The following PCAT7 variants were observed in gnomAD, a reference collection of about 807,000 sequenced individuals.
PCAT7 encodes prostate cancer associated transcript 7 (non-protein coding).
chr9:94,554,865 A>G (rs1049460939), upstream of PCAT7, among the ~76,000 whole-genome samples: 1 of 152,170 alleles, frequency 6.6e-6, no homozygotes, highest in African/African-American at 2.4e-5. Flanking sequence ...GTAGCTCCCC[A>G]CACCCACACA....
intron 2 of PCAT7, chr9:94,571,642 C>A: frequency 6.4e-7 from 1 of 1,563,458 alleles, no homozygotes; most frequent in Non-Finnish European, 8.7e-7. Flanking sequence ...TTATTGTTGT[C>A]TCTGGAGAGA....
At chr9:94,569,458 GCACT>G (rs949237959) in intron 2 of PCAT7, 8 of 152,228 alleles carry the variant, frequency 5.3e-5, no homozygotes, top group Non-Finnish European at 8.8e-5. Context: ...CTGAACAGTG[GCACT>G]CACTCACCAC....
At chr9:94,561,425 C>T (rs952661618) in intron 2 of PCAT7, among the ~76,000 whole-genome samples, 10 of 128,904 alleles carry the variant, frequency 7.8e-5, no homozygotes, top group East Asian at 7.1e-4. Flanking sequence ...TGCAGTGGCG[C>T]GATCTCGGCT....
At chr9:94,561,803 G>A (rs1399490725) in intron 2 of PCAT7, among the ~76,000 whole-genome samples, 4 of 152,114 alleles carry the variant, frequency 2.6e-5, no homozygotes, top group East Asian at 1.9e-4. Flanking sequence ...GCAGAAATGC[G>A]GAGATTAGGA....
intron 2 of PCAT7, chr9:94,567,440 A>G: frequency 6.3e-7 from 1 of 1,577,540 alleles, no homozygotes. Context: ...CAGGAAGAAG[A>G]GAGAAGCCAG....
At chr9:94,562,265 G>GT (rs1257281938) in intron 2 of PCAT7, among the ~76,000 whole-genome samples, 2 of 148,950 alleles carry the variant, frequency 1.3e-5, no homozygotes, top group East Asian at 4.0e-4. Context: ...AGCCTAGATG[G>GT]TGCCACTGCA....
intron 2 of PCAT7, chr9:94,563,446 A>T: frequency 1.2e-6 from 2 of 1,613,854 alleles, no homozygotes; most frequent in Non-Finnish European, 1.7e-6. Flanking sequence ...CTGGCCCCAT[A>T]GGGAGCACTG....
chr9:94,556,305 G>GA (rs1010848648), intron 1 of PCAT7, among the ~76,000 whole-genome samples: 3 of 151,574 alleles, frequency 2.0e-5, no homozygotes, highest in African/African-American at 4.8e-5. Context: ...AATACGGTGG[G>GA]AAAAAAAATA....
intron 2 of PCAT7, chr9:94,571,728 C>G (rs541273628): frequency 3.6e-6 from 3 of 843,834 alleles, no homozygotes; most frequent in East Asian, 2.8e-5. Context: ...TTTTAAGCTG[C>G]TGCAAATCCA....
rs200733221 is a variant in PCAT7, at chr9:94,563,310, G to A, written n.441+4158G>A. 772 of 1,609,524 alleles carry A rather than the reference G, an allele frequency of 4.8e-4. 4 individuals are homozygous for A. The Middle Eastern group carries it at 8.5e-3, about 18-fold the overall frequency. ...AGGGAGCTCCCCCACCTCCCTGACC[G>A]GATGCACAGCCAGTGGACAAGGGAG... On this transcript the variant is annotated intron_variant and non_coding_transcript_variant, in intron 2 of 8. Transcript: ENST00000647389.
At chr9:94,572,791 T>G (rs1467502528) in intron 2 of PCAT7, among the ~76,000 whole-genome samples, 4 of 152,212 alleles carry the variant, frequency 2.6e-5, no homozygotes, top group Non-Finnish European at 4.4e-5. Context: ...CCTATACACA[T>G]TTTTTGGATT....
At chr9:94,564,564 G>A (rs987377422) in intron 2 of PCAT7, among the ~76,000 whole-genome samples, 60 of 152,258 alleles carry the variant, frequency 3.9e-4, no homozygotes, top group African/African-American at 1.3e-3. Context: ...ACGGAAATAG[G>A]AAACCAAATG....
intron 2 of PCAT7, chr9:94,567,227 G>C: frequency 6.2e-7 from 1 of 1,610,362 alleles, no homozygotes; most frequent in South Asian, 1.1e-5. Context: ...GACCCCATGG[G>C]GACAGCATTC....
At chr9:94,556,057 T>C (rs1827007450) in intron 1 of PCAT7, among the ~76,000 whole-genome samples, 1 of 139,040 alleles carries the variant, frequency 7.2e-6, no homozygotes, top group Non-Finnish European at 1.6e-5. Flanking sequence ...GAAAAGATGG[T>C]GGGGAAATGT....
chr9:94,555,374 G>A (rs1826992924), intron 1 of PCAT7: 1 of 151,736 alleles, frequency 6.6e-6, no homozygotes, highest in African/African-American at 2.4e-5. Flanking sequence ...TAGTGCCAAA[G>A]GGAAAAAAGG....
At chr9:94,565,644 A>T (rs1341492766) in intron 2 of PCAT7, among the ~76,000 whole-genome samples, 4 of 151,810 alleles carry the variant, frequency 2.6e-5, no homozygotes, top group Non-Finnish European at 4.4e-5. Flanking sequence ...AGGACTTGAC[A>T]TAACAGAGAC....
intron 1 of PCAT7, among the ~76,000 whole-genome samples, chr9:94,556,291 G>A (rs117620699): frequency 0.03 from 4,563 of 150,356 alleles, 79 homozygotes; most frequent in Non-Finnish European, 0.044. Context: ...GGGAGAAGGG[G>A]GAAAATACGG....
intron 1 of PCAT7, among the ~76,000 whole-genome samples, chr9:94,556,995 C>T (rs145159052): frequency 3.3e-5 from 5 of 152,118 alleles, no homozygotes; most frequent in East Asian, 3.9e-4. Context: ...ACCGTAAACG[C>T]GTGAATTTAT....
chr9:94,556,386 C>T (rs1023786378), intron 1 of PCAT7, among the ~76,000 whole-genome samples: 12 of 149,654 alleles, frequency 8.0e-5, no homozygotes, highest in African/African-American at 2.0e-4. Flanking sequence ...GAAGGCTTTG[C>T]GAAATGACGG....
Sources: allele counts gnomAD v4.1 joint callset (sites outside exome capture counted in the v4.1 genomes callset), GRCh38; gene constraint gnomAD v4.1.1; transcripts MANE v1.5; gene names NCBI Gene and HGNC (gene_info 2026-07-23, HGNC 2026-07-21).